The following LRGUK variants were observed in gnomAD, a reference collection of about 807,000 sequenced individuals.
LRGUK encodes the protein leucine-rich repeat and guanylate kinase domain-containing protein.
Under a neutral mutation model 76.0 loss-of-function variants are expected in LRGUK, and 65 were observed. The observed-to-expected ratio is 0.85, with a 90% confidence interval of 0.70 to 1.05. The LOEUF (loss-of-function observed/expected upper bound fraction) is 1.05. Among genes scored for constraint, LRGUK ranks in the 50% least tolerant of loss-of-function variants. LRGUK has a pLI of 0.00. For synonymous variants in LRGUK, 268 were observed against 265.6 expected, an observed-to-expected ratio of 1.01 and a Z score of -0.09; for missense variants, 758 against 732.8, an observed-to-expected ratio of 1.03 and a Z score of -0.40.
intron 1 of LRGUK, among the ~76,000 whole-genome samples, chr7:134,135,392 G>A (rs1167553405): frequency 1.3e-5 from 2 of 152,190 alleles, no homozygotes; most frequent in African/African-American, 4.8e-5. Context: ...AGTTTCTTTT[G>A]GAGGATCTGC....
chr7:134,201,697 C>T (rs1226643909), intron 15 of LRGUK, 121 bp downstream of exon 15: 2 of 648,620 alleles, frequency 3.1e-6, no homozygotes, highest in South Asian at 3.9e-5. Flanking sequence ...TATTCCTGTA[C>T]TTCTTCTGGG....
At chr7:134,191,595 C>A in intron 11 of LRGUK, 60 bp from the exon 12 acceptor site, 1 of 1,086,912 alleles carries the variant, frequency 9.2e-7, no homozygotes, top group Non-Finnish European at 1.4e-6. Context: ...TATATTGAAA[C>A]CTTTTCCATT....
chr7:134,143,125 C>T, exon 4 of LRGUK: 2 of 1,609,956 alleles, frequency 1.2e-6, no homozygotes, highest in Non-Finnish European at 1.7e-6. Context: ...AATAATTTGA[C>T]TACGTTCTTC....
chr7:134,228,001 A>T (rs943881121), intron 16 of LRGUK, among the ~76,000 whole-genome samples: 1 of 152,208 alleles, frequency 6.6e-6, no homozygotes, highest in Non-Finnish European at 1.5e-5. Context: ...GATAAAAGTC[A>T]TCAAGCCATA....
At chr7:134,210,802 T>C (rs1053908733), downstream of LRGUK, among the ~76,000 whole-genome samples, 1 of 152,048 alleles carries the variant, frequency 6.6e-6, no homozygotes, top group Non-Finnish European at 1.5e-5. Context: ...AAAGGCACAA[T>C]GCACTTGCTT....
At chr7:134,196,742 C>T (rs941862489) in intron 12 of LRGUK, among the ~76,000 whole-genome samples, 121 of 152,262 alleles carry the variant, frequency 7.9e-4, no homozygotes, top group African/African-American at 2.9e-3. Context: ...AGTGCCTTAA[C>T]ACTCCTCAAC....
intron 1 of LRGUK, among the ~76,000 whole-genome samples, chr7:134,128,216 A>G (rs1247692712): frequency 1.3e-5 from 2 of 152,348 alleles, no homozygotes; most frequent in East Asian, 3.9e-4. Context: ...TTATACAAGC[A>G]ACATGCACAC....
intron 3 of LRGUK, among the ~76,000 whole-genome samples, chr7:134,141,012 G>T (rs909017717): frequency 5.3e-5 from 8 of 152,072 alleles, no homozygotes; most frequent in Non-Finnish European, 8.8e-5. Context: ...ATACCTCCGC[G>T]GTTGTTTCCA....
At chr7:134,134,749 CTTTA>C (rs2116811077) in intron 1 of LRGUK, among the ~76,000 whole-genome samples, 1 of 152,256 alleles carries the variant, frequency 6.6e-6, no homozygotes, top group Admixed American at 6.5e-5. Context: ...TAAATTAGAA[CTTTA>C]TTTAGAAAAG....
At chr7:134,205,109 C>T (rs1051451462) in intron 15 of LRGUK, among the ~76,000 whole-genome samples, 3 of 152,152 alleles carry the variant, frequency 2.0e-5, no homozygotes, top group Admixed American at 1.3e-4. Context: ...GGGTGGCCAG[C>T]GTTTATTCCC....
chr7:134,215,885 G>T (rs1801424861), intron 15 of LRGUK, among the ~76,000 whole-genome samples: 1 of 152,178 alleles, frequency 6.6e-6, no homozygotes, highest in African/African-American at 2.4e-5. Flanking sequence ...GTTGATGACA[G>T]ATAAATGGTG....
chr7:134,197,237 C>T (rs1800531556), intron 13 of LRGUK, 132 bp downstream of exon 13: 1 of 569,904 alleles, frequency 1.8e-6, no homozygotes, highest in African/African-American at 1.9e-5. Context: ...ATATGGGGTA[C>T]ATGCGTTAAT....
downstream of LRGUK, among the ~76,000 whole-genome samples, chr7:134,266,286 A>G (rs1374545063): frequency 6.6e-6 from 1 of 152,240 alleles, no homozygotes; most frequent in African/African-American, 2.4e-5. Context: ...AAGACCATCA[A>G]TATATGCCCA....
Position 134,248,663 on chromosome 7 carries a change from A to G in LRGUK, c.2073-288A>G, listed in dbSNP as rs371610692. Among the ~76,000 whole-genome samples, 25 of 152,308 alleles carry G rather than the reference A, an allele frequency of 1.6e-4. 1 individual carries two copies. In the South Asian group the frequency reaches 5.2e-3, roughly 32 times the overall value. ...ATATATTGCTAGCCCTTGCATAACA[A>G]ATGGACTAGGGAATCTCCAGGAAGA... is the stretch of plus-strand genomic sequence containing the variant. On this transcript the variant is annotated intron_variant, in intron 17 of 19. Coordinates refer to the LRGUK transcript ENST00000285928.
At chr7:134,142,307 C>G (rs1413341985) in intron 3 of LRGUK, among the ~76,000 whole-genome samples, 1 of 152,208 alleles carries the variant, frequency 6.6e-6, no homozygotes, top group African/African-American at 2.4e-5. Context: ...CTGATTCCTT[C>G]CCTAATTCAT....
chr7:134,150,845 T>A (rs1021997991), intron 5 of LRGUK, among the ~76,000 whole-genome samples: 1 of 150,520 alleles, frequency 6.6e-6, no homozygotes, highest in Non-Finnish European at 1.5e-5. Flanking sequence ...TTCTTGACAT[T>A]AGATGTAGCA....
At chr7:134,160,699 C>G (rs115735469) in intron 6 of LRGUK, among the ~76,000 whole-genome samples, 23 of 152,328 alleles carry the variant, frequency 1.5e-4, no homozygotes, top group African/African-American at 5.5e-4. Flanking sequence ...AATGACAATG[C>G]ATTCCAAACT....
At chr7:134,244,613 A>G (rs1224402227) in intron 16 of LRGUK, among the ~76,000 whole-genome samples, 1 of 152,236 alleles carries the variant, frequency 6.6e-6, no homozygotes, top group Non-Finnish European at 1.5e-5. Context: ...GTGGGACTGT[A>G]AACTAGTTCA....
intron 11 of LRGUK, among the ~76,000 whole-genome samples, chr7:134,190,289 C>A (rs563497115): frequency 6.6e-6 from 1 of 152,172 alleles, no homozygotes; most frequent in South Asian, 2.1e-4. Context: ...TTGCTGCAGC[C>A]TCAAACTCCT....
Sources: gnomAD v4.1 joint callset for allele counts (sites outside exome capture counted in the v4.1 genomes callset) on GRCh38, gnomAD v4.1.1 for gene constraint, MANE v1.5 for transcripts, NCBI Gene and HGNC (gene_info 2026-07-23, HGNC 2026-07-21) for gene names.